The following SUMF1 variants were observed in gnomAD, a reference collection of about 807,000 sequenced individuals.
SUMF1 encodes sulfatase modifying factor 1, also known as formylglycine-generating enzyme.
SUMF1 carries 48 observed loss-of-function variants against 47.6 expected under a neutral mutation model. The observed-to-expected ratio is 1.01, with a 90% CI of 0.80 to 1.28. The LOEUF is 1.28. Ranked by LOEUF, SUMF1 falls within the 50% of genes most tolerant of loss-of-function variation. The pLI, the probability that SUMF1 is intolerant of heterozygous loss-of-function variation, is 0.00. For missense variants in SUMF1, 571 were observed against 485.4 expected (o/e 1.18, Z -1.66); for synonymous variants, 230 against 192.1 (o/e 1.20, Z -1.63).
At chr3:4,269,754 C>A (rs1320911804) in intron 8 of SUMF1, among the ~76,000 whole-genome samples, 1 of 152,186 alleles carries the variant, frequency 6.6e-6, no homozygotes, top group Non-Finnish European at 1.5e-5. Flanking sequence ...CTCACAATGG[C>A]ACTTCCATTC....
chr3:4,441,149 T>G (rs945660328), intron 3 of SUMF1, among the ~76,000 whole-genome samples: 2 of 152,188 alleles, frequency 1.3e-5, no homozygotes, highest in African/African-American at 2.4e-5. Context: ...CCTCGTTGTT[T>G]GCGTTACCAC....
chr3:4,187,905 T>C (rs556211190), intron 8 of SUMF1, among the ~76,000 whole-genome samples: 5 of 152,210 alleles, frequency 3.3e-5, no homozygotes, highest in African/African-American at 4.8e-5. Flanking sequence ...ATGCACTTCA[T>C]TGTGATAGCC....
intron 3 of SUMF1, among the ~76,000 whole-genome samples, chr3:4,424,292 G>A (rs1385014874): frequency 1.3e-5 from 2 of 151,848 alleles, no homozygotes; most frequent in African/African-American, 2.4e-5. Context: ...CTAGACACCC[G>A]CTTTTCTTTT....
At chr3:4,366,264 G>C (rs2919614) in intron 8 of SUMF1, among the ~76,000 whole-genome samples, 93,233 of 151,786 alleles carry the variant, frequency 0.61, 29,120 homozygotes, top group East Asian at 0.76. Context: ...ATGTTGGCCT[G>C]CCTTGTTAGA....
intron 8 of SUMF1, among the ~76,000 whole-genome samples, chr3:4,128,364 G>A (rs59836409): frequency 0.045 from 6,786 of 152,192 alleles, 429 homozygotes; most frequent in East Asian, 0.17. Flanking sequence ...AGGGGACACC[G>A]AGTTTGTAAA....
At chr3:4,219,618 T>A (rs1277450705) in intron 8 of SUMF1, among the ~76,000 whole-genome samples, 1 of 152,188 alleles carries the variant, frequency 6.6e-6, no homozygotes, top group East Asian at 1.9e-4. Context: ...TGGCCTGCCA[T>A]GGATCTGTAT....
At chr3:4,375,234 G>GA (rs1278682330) in intron 8 of SUMF1, among the ~76,000 whole-genome samples, 5 of 149,668 alleles carry the variant, frequency 3.3e-5, no homozygotes, top group African/African-American at 1.2e-4. Context: ...TCTGCTCTAT[G>GA]AACTTCAACC....
chr3:4,101,926 C>A (rs1185689973), intron 8 of SUMF1, among the ~76,000 whole-genome samples: 1 of 152,140 alleles, frequency 6.6e-6, no homozygotes, highest in East Asian at 1.9e-4. Flanking sequence ...AGGAAACTTA[C>A]AATCATGGTG....
chr3:4,357,351 C>T (rs1249819837), downstream of SUMF1, among the ~76,000 whole-genome samples: 2 of 145,982 alleles, frequency 1.4e-5, no homozygotes, highest in East Asian at 4.1e-4. Flanking sequence ...ATGGATTTTA[C>T]CACATGCAAA....
intron 9 of SUMF1, among the ~76,000 whole-genome samples, chr3:4,041,914 G>T (rs1234304019): frequency 1.3e-5 from 2 of 152,074 alleles, no homozygotes; most frequent in Admixed American, 1.3e-4. Context: ...TGTTCTTCCA[G>T]ACCACATGAA....
chr3:4,244,122 T>C (rs1239743674), intron 8 of SUMF1, among the ~76,000 whole-genome samples: 1 of 152,204 alleles, frequency 6.6e-6, no homozygotes, highest in Non-Finnish European at 1.5e-5. Flanking sequence ...TGGTGGATCT[T>C]CCTCCATCCC....
intron 8 of SUMF1, among the ~76,000 whole-genome samples, chr3:4,153,726 T>G (rs1364373829): frequency 6.6e-6 from 1 of 151,600 alleles, no homozygotes; most frequent in Admixed American, 6.5e-5. Context: ...TCACCTCCTT[T>G]GTATAGTTAT....
intron 9 of SUMF1, among the ~76,000 whole-genome samples, chr3:4,053,425 G>A (rs1348385778): frequency 6.6e-6 from 1 of 152,128 alleles, no homozygotes; most frequent in Non-Finnish European, 1.5e-5. Context: ...GACACAAAGT[G>A]AGCACATGCT....
intron 8 of SUMF1, among the ~76,000 whole-genome samples, chr3:4,215,042 T>C (rs187481073): frequency 2.0e-5 from 3 of 152,286 alleles, no homozygotes; most frequent in Admixed American, 2.0e-4. Context: ...CCCTAACTCA[T>C]TTTATGAGGC....
At chr3:4,259,979 T>C (rs1697050102) in intron 8 of SUMF1, among the ~76,000 whole-genome samples, 1 of 150,884 alleles carries the variant, frequency 6.6e-6, no homozygotes, top group Admixed American at 6.6e-5. Context: ...GAAAGTCCTC[T>C]CAAATATCAT....
chr3:4,303,792 C>G (rs902789283), intron 8 of SUMF1: 2 of 1,419,366 alleles, frequency 1.4e-6, no homozygotes, highest in East Asian at 3.6e-5. Flanking sequence ...GGCTTTTTGT[C>G]CAGTCCTGTC....
chr3:4,219,244 A>C lies in SUMF1; in HGVS notation c.1015-150499T>G, dbSNP rs571609230. Among the ~76,000 whole-genome samples the C allele has an allele frequency of 6.6e-5, 10 of 152,330 alleles. 1 individual carries two copies. The South Asian group carries it at 2.1e-3, about 32-fold the overall frequency. On this transcript the variant is annotated intron_variant and NMD_transcript_variant, in intron 8 of 12. Coordinates refer to the SUMF1 transcript ENST00000448413. ...TACAAAGTACCTTATGTTATTCGAC[A>C]CTTTCCACATTTCAAACGTTTTCAC...
At chr3:4,456,844 A>G (rs1240004320) in intron 1 of SUMF1, among the ~76,000 whole-genome samples, 4 of 148,794 alleles carry the variant, frequency 2.7e-5, no homozygotes, top group African/African-American at 9.8e-5. Flanking sequence ...GTATATATAT[A>G]CGTGTGTGTA....
chr3:4,202,863 T>A (rs1695570168), intron 8 of SUMF1, among the ~76,000 whole-genome samples: 1 of 152,032 alleles, frequency 6.6e-6, no homozygotes, highest in Non-Finnish European at 1.5e-5. Flanking sequence ...TATTGTTAAT[T>A]TCCATGTGTT....
Sources: allele counts gnomAD v4.1 joint callset (sites outside exome capture counted in the v4.1 genomes callset), GRCh38; gene constraint gnomAD v4.1.1; transcripts MANE v1.5; gene names NCBI Gene and HGNC (gene_info 2026-07-23, HGNC 2026-07-21).